The following PKIB variants were observed in gnomAD, a reference collection of about 807,000 sequenced individuals.
The protein encoded by PKIB is cAMP-dependent protein kinase inhibitor beta.
PKIB carries 2 observed loss-of-function variants against 4.5 expected under a neutral mutation model. The ratio of observed to expected loss-of-function variants is 0.44; its 90% CI spans 0.18 to 1.39. PKIB has a LOEUF of 1.39. Ranked by LOEUF, PKIB falls within the 40% of genes most tolerant of loss-of-function variation. The probability of loss-of-function intolerance (pLI) is 0.27; values close to 1 mark genes in which losing one functional copy is unlikely to be tolerated. For missense variants in PKIB, 94 were observed against 92.6 expected, an observed-to-expected ratio of 1.02 and a Z score of -0.06; for synonymous variants, 38 against 36.0, an observed-to-expected ratio of 1.06 and a Z score of -0.20.
chr6:122,506,361 AT>A (rs1409453336), intron 2 of PKIB, among the ~76,000 whole-genome samples: 1 of 152,098 alleles, frequency 6.6e-6, no homozygotes, highest in Non-Finnish European at 1.5e-5. Flanking sequence ...GTCTCTCATC[AT>A]TTTTTTAAAG....
At chr6:122,555,819 G>GAAAA (rs756846417) in intron 2 of PKIB, among the ~76,000 whole-genome samples, 10 of 152,268 alleles carry the variant, frequency 6.6e-5, no homozygotes, top group Middle Eastern at 6.8e-3. Flanking sequence ...TGATACTTGT[G>GAAAA]AAAAGGCTAA....
At chr6:122,522,262 AT>A (rs1776968310) in intron 2 of PKIB, among the ~76,000 whole-genome samples, 1 of 152,208 alleles carries the variant, frequency 6.6e-6, no homozygotes, top group African/African-American at 2.4e-5. Context: ...AAAAACTGTA[AT>A]TACTTTTGCA....
Position 122,661,093 on chromosome 6 carries a change from G to A in PKIB, c.-75-13985G>A, listed in dbSNP as rs990963085. 5.3e-5 allele frequency among the ~76,000 whole-genome samples: 8 copies of A among 152,074 alleles called. No individual in the cohort carries two copies. In the East Asian group the frequency reaches 1.5e-3, roughly 29 times the overall value. On this transcript the variant is annotated intron_variant, in intron 2 of 4. Transcript: ENST00000368452. The stretch of plus-strand genomic sequence containing the variant: ...CAATGTGTTCATCAAAATGCTACAA[G>A]AATAAATTATATGGATAAAGATGAT...
intron 2 of PKIB, among the ~76,000 whole-genome samples, chr6:122,635,935 T>G (rs978604256): frequency 6.6e-6 from 1 of 152,158 alleles, no homozygotes; most frequent in Non-Finnish European, 1.5e-5. Context: ...TTTCATCACT[T>G]ATAATTAATA....
chr6:122,562,004 G>GTTTTTTTTTTTTTTTTTTT (rs758656278), intron 2 of PKIB, among the ~76,000 whole-genome samples: 14 of 79,476 alleles, frequency 1.8e-4, no homozygotes, highest in East Asian at 1.4e-3. Context: ...GTTTTTTTTT[G>GTTTTTTTTTTTTTTTTTTT]TTTTTTTTTT....
At chr6:122,703,272 G>A (rs977442990) in intron 3 of PKIB, among the ~76,000 whole-genome samples, 3 of 151,976 alleles carry the variant, frequency 2.0e-5, no homozygotes, top group African/African-American at 7.3e-5. Context: ...GAATAATTGA[G>A]GGTTTTTTAA....
intron 2 of PKIB, among the ~76,000 whole-genome samples, chr6:122,635,472 C>A (rs1775878771): frequency 6.8e-6 from 1 of 147,910 alleles, no homozygotes. Context: ...ACAAATTATC[C>A]CTATATTCTA....
intron 2 of PKIB, among the ~76,000 whole-genome samples, chr6:122,530,034 TTCTC>T (rs1777211647): frequency 6.6e-6 from 1 of 152,012 alleles, no homozygotes; most frequent in Admixed American, 6.6e-5. Flanking sequence ...TCCCCCTTCT[TTCTC>T]TCCTCTCCTC....
chr6:122,589,719 A>G (rs1773961988), intron 3 of PKIB, among the ~76,000 whole-genome samples: 1 of 152,144 alleles, frequency 6.6e-6, no homozygotes, highest in Admixed American at 6.6e-5. Flanking sequence ...CTCATGTTTC[A>G]CAAAGCAGAT....
intron 1 of PKIB, among the ~76,000 whole-genome samples, chr6:122,617,154 G>A (rs1345945442): frequency 1.3e-5 from 2 of 152,278 alleles, no homozygotes; most frequent in South Asian, 2.1e-4. Flanking sequence ...AGGTTAATGG[G>A]TATTGCATCT....
At chr6:122,635,459 G>A (rs1775878175) in intron 2 of PKIB, among the ~76,000 whole-genome samples, 1 of 149,156 alleles carries the variant, frequency 6.7e-6, no homozygotes, top group Non-Finnish European at 1.5e-5. Flanking sequence ...ACACTCTTAA[G>A]GAACAAATTA....
At chr6:122,622,922 T>C (rs1775298636) in intron 1 of PKIB, among the ~76,000 whole-genome samples, 1 of 152,246 alleles carries the variant, frequency 6.6e-6, no homozygotes, top group Admixed American at 6.5e-5. Context: ...AGTTCTCATT[T>C]CAAATACTTT....
In PKIB at chr6:122,563,515, C is replaced by T. The variant is rs116215767; in HGVS notation, c.-247-22406C>T. 2.8e-3 allele frequency among the ~76,000 whole-genome samples: 418 copies of T among 151,962 alleles called. 3 individuals are homozygous for T. The highest frequency in any genetic ancestry group is 9.5e-3 in the African/African-American group (395 of 41,410). On this transcript the variant is annotated intron_variant, in intron 2 of 6. Transcript: ENST00000392491. ...GAGAGGGACTGGTGGTGGGTGGGGC[C>T]CTAGATCTCCCAAGATTAATACCCT...
At chr6:122,537,132 A>T (rs1306485216) in intron 2 of PKIB, among the ~76,000 whole-genome samples, 1 of 151,514 alleles carries the variant, frequency 6.6e-6, no homozygotes, top group Non-Finnish European at 1.5e-5. Context: ...TTGCTTCTTT[A>T]TTCTTCTTTC....
intron 2 of PKIB, among the ~76,000 whole-genome samples, chr6:122,491,548 C>T (rs1562227299): frequency 2.0e-5 from 3 of 152,130 alleles, no homozygotes; most frequent in Non-Finnish European, 4.4e-5. Flanking sequence ...TAGTCATTAA[C>T]GTAGGCCTCT....
chr6:122,595,837 A>G (rs1442952870), intron 3 of PKIB, among the ~76,000 whole-genome samples: 1 of 152,150 alleles, frequency 6.6e-6, no homozygotes, highest in African/African-American at 2.4e-5. Flanking sequence ...TGGCTGGGGA[A>G]AAAGGCTGAG....
intron 3 of PKIB, among the ~76,000 whole-genome samples, chr6:122,713,145 T>A (rs9490532): frequency 6.6e-6 from 1 of 151,842 alleles, no homozygotes; most frequent in African/African-American, 2.4e-5. Flanking sequence ...CTGAAAATTG[T>A]ATATTTTCAA....
intron 2 of PKIB, among the ~76,000 whole-genome samples, chr6:122,576,444 G>A (rs907826134): frequency 3.3e-5 from 5 of 151,838 alleles, no homozygotes; most frequent in African/African-American, 9.7e-5. Flanking sequence ...CAAGGCAGGC[G>A]GATCACGAGG....
chr6:122,520,661 T>TTCTC (rs1562237597), intron 2 of PKIB, among the ~76,000 whole-genome samples: 7 of 55,506 alleles, frequency 1.3e-4, no homozygotes, highest in East Asian at 7.3e-4. Flanking sequence ...AAGTTTATGT[T>TTCTC]CCCACCCCCC....
Sources: allele counts gnomAD v4.1 joint callset (sites outside exome capture counted in the v4.1 genomes callset), GRCh38; gene constraint gnomAD v4.1.1; transcripts MANE v1.5; gene names NCBI Gene and HGNC (gene_info 2026-07-23, HGNC 2026-07-21).